PRKG1: variants seen among roughly 807,000 people sequenced by gnomAD.
PRKG1 encodes the protein protein kinase cGMP-dependent 1.
PRKG1 carries 35 observed loss-of-function variants against 88.1 expected under a neutral mutation model. The observed-to-expected ratio is 0.40, with a 90% CI of 0.30 to 0.53. The LOEUF is 0.53. PRKG1 is among the 20% of genes least tolerant of loss of function. The probability of loss-of-function intolerance (pLI) is 0.59; values close to 1 mark genes in which losing one functional copy is unlikely to be tolerated. For synonymous variants in PRKG1, 303 were observed against 292.5 expected (o/e 1.04, Z -0.37); for missense variants, 540 against 839.8 (o/e 0.64, Z 4.41).
chr10:51,249,040 G>A (rs1564654753), intron 2 of PRKG1, among the ~76,000 whole-genome samples: 1 of 151,578 alleles, frequency 6.6e-6, no homozygotes, highest in Non-Finnish European at 1.5e-5. Context: ...AGCAATATAA[G>A]GTTTAATGCA....
At chr10:51,866,115 T>C (rs1410810836) in intron 4 of PRKG1, among the ~76,000 whole-genome samples, 1 of 152,020 alleles carries the variant, frequency 6.6e-6, no homozygotes, top group Non-Finnish European at 1.5e-5. Context: ...TGATATGTTG[T>C]ATTCATATGA....
intron 1 of PRKG1, among the ~76,000 whole-genome samples, chr10:51,058,309 T>C (rs1843655238): frequency 6.6e-6 from 1 of 152,152 alleles, no homozygotes; most frequent in African/African-American, 2.4e-5. Context: ...CATTTGACTG[T>C]AGTAATTATG....
At chr10:51,549,394 T>C (rs1589068824) in intron 3 of PRKG1, among the ~76,000 whole-genome samples, 1 of 151,964 alleles carries the variant, frequency 6.6e-6, no homozygotes, top group Non-Finnish European at 1.5e-5. Context: ...AACATCATTC[T>C]GGACTCCACT....
At chr10:51,359,872 G>A (rs986590015) in intron 2 of PRKG1, among the ~76,000 whole-genome samples, 1 of 151,906 alleles carries the variant, frequency 6.6e-6, no homozygotes, top group Non-Finnish European at 1.5e-5. Context: ...AGATATGTCA[G>A]ACTGGTATTA....
chr10:51,655,915 C>T (rs1840149694), intron 3 of PRKG1, among the ~76,000 whole-genome samples: 1 of 152,090 alleles, frequency 6.6e-6, no homozygotes, highest in African/African-American at 2.4e-5. Flanking sequence ...CTGCTTAATT[C>T]TACCCGTAAT....
rs1564733384 is a variant in PRKG1, at chr10:51,970,033, CA to C, written c.762+62464del. 3.6e-4 allele frequency among the ~76,000 whole-genome samples: 53 copies of C among 148,992 alleles called. 1 individual carries two copies. The highest frequency in any genetic ancestry group is 9.8e-4 in the East Asian group (5 of 5,112). ...ACACACACACACACACACACACACACACACACACACACACACACCCATATTT... is the reference window on the plus strand; with the variant it reads ...ACACACACACACACACACACACACACCACACACACACACACACCCATATTT... On this transcript the variant is annotated intron_variant, in intron 5 of 17. Coordinates refer to ENST00000373980, the MANE Select transcript of PRKG1 (RefSeq NM_006258.4).
chr10:51,087,216 C>T (rs1844275781), intron 1 of PRKG1, among the ~76,000 whole-genome samples: 1 of 152,058 alleles, frequency 6.6e-6, no homozygotes, highest in African/African-American at 2.4e-5. Flanking sequence ...ACAATTTCCT[C>T]TCCAAAGAAA....
chr10:51,861,664 A>G (rs1203316435), intron 4 of PRKG1, among the ~76,000 whole-genome samples: 1 of 152,244 alleles, frequency 6.6e-6, no homozygotes, highest in African/African-American at 2.4e-5. Context: ...AACAGAACAT[A>G]TACTTCTTAC....
chr10:51,797,081 G>T (rs948319046), intron 3 of PRKG1, among the ~76,000 whole-genome samples: 1 of 151,764 alleles, frequency 6.6e-6, no homozygotes, highest in Admixed American at 6.6e-5. Context: ...TATCTGGAGG[G>T]GTAGAGGCAG....
At chr10:51,446,585 T>A (rs992164096) in intron 2 of PRKG1, among the ~76,000 whole-genome samples, 1 of 152,074 alleles carries the variant, frequency 6.6e-6, no homozygotes, top group African/African-American at 2.4e-5. Context: ...TATAAAGTTT[T>A]CATCTGCCTC....
chr10:52,089,036 C>G (rs1262440911), intron 7 of PRKG1, among the ~76,000 whole-genome samples: 1 of 152,070 alleles, frequency 6.6e-6, no homozygotes, highest in African/African-American at 2.4e-5. Flanking sequence ...TTTTTAGAGT[C>G]AGAAAAATAT....
rs1039162900 is a variant in PRKG1 at position 52,297,696 on chromosome 10, T to C, written c.*3796T>C. 2.0e-5 allele frequency: 3 copies of C among 152,150 alleles called. No homozygotes were observed. The highest frequency in any genetic ancestry group is 4.4e-5 in the Non-Finnish European group (3 of 68,016). The allele number at this position is 152,150 out of a possible 1,614,324, so 9.4% of individuals were successfully genotyped here. ...GTTTTGCTAAGCTGTGCAGATTCTG[T>C]AAAAATAAATTAGTGCAGTCAAGTT... On this transcript the variant is annotated 3_prime_UTR_variant, in exon 18 of 18. Coordinates refer to ENST00000373980, the MANE Select transcript of PRKG1 (RefSeq NM_006258.4).
intron 2 of PRKG1, among the ~76,000 whole-genome samples, chr10:51,191,663 G>A (rs957904243): frequency 1.3e-5 from 2 of 151,714 alleles, no homozygotes; most frequent in African/African-American, 4.8e-5. Flanking sequence ...AAACCTGGAT[G>A]ATATTACCAT....
intron 14 of PRKG1, among the ~76,000 whole-genome samples, chr10:52,282,532 T>G (rs1024412838): frequency 6.6e-6 from 1 of 152,082 alleles, no homozygotes; most frequent in African/African-American, 2.4e-5. Context: ...TTGGTCTCAT[T>G]ATTGCTACTT....
Position 51,860,728 on chromosome 10 carries a change from T to C in PRKG1, c.699-46779T>C, listed in dbSNP as rs574000309. 2.6e-5 allele frequency among the ~76,000 whole-genome samples: 4 copies of C among 152,264 alleles called. No homozygotes were observed. In the East Asian group the frequency reaches 7.7e-4, roughly 29 times the overall value. ...TTTTTAAAAAAATAGAAATAAGGAC[T>C]TTGTTGAACTTGGCAAAAATACCCA... On this transcript the variant is annotated intron_variant, in intron 4 of 17. Transcript: ENST00000373980.
chr10:51,727,690 T>A (rs1024527765), intron 3 of PRKG1, among the ~76,000 whole-genome samples: 1 of 152,306 alleles, frequency 6.6e-6, no homozygotes, highest in South Asian at 2.1e-4. Flanking sequence ...AGTAGTTCAA[T>A]AGGCTGGTAG....
At chr10:52,192,759 A>T (rs1490807197) in intron 9 of PRKG1, among the ~76,000 whole-genome samples, 2 of 152,060 alleles carry the variant, frequency 1.3e-5, no homozygotes, top group Admixed American at 6.5e-5. Flanking sequence ...AAAAATATAT[A>T]TTTGTTTGGA....
chr10:51,483,751 T>A (rs1456779344), intron 3 of PRKG1, among the ~76,000 whole-genome samples: 3 of 152,158 alleles, frequency 2.0e-5, no homozygotes, highest in Non-Finnish European at 4.4e-5. Flanking sequence ...GATTTCTTAG[T>A]GATGATATAT....
intron 3 of PRKG1, among the ~76,000 whole-genome samples, chr10:51,743,634 T>A (rs1321607933): frequency 7.9e-6 from 1 of 127,268 alleles, no homozygotes; most frequent in Non-Finnish European, 1.6e-5. Context: ...TTAATTTATT[T>A]TATATATATA....
Sources: gnomAD v4.1 joint callset for allele counts (sites outside exome capture counted in the v4.1 genomes callset) on GRCh38, gnomAD v4.1.1 for gene constraint, MANE v1.5 for transcripts, NCBI Gene and HGNC (gene_info 2026-07-23, HGNC 2026-07-21) for gene names.